STX7: variants seen among roughly 807,000 people sequenced by gnomAD.
The protein encoded by STX7 is syntaxin 7.
Under a neutral mutation model 39.6 loss-of-function variants are expected in STX7, and 34 were observed. The observed-to-expected ratio is 0.86, with a 90% CI of 0.65 to 1.14. STX7 has a LOEUF of 1.14. Among genes scored for constraint, STX7 ranks in the 50% most tolerant of loss-of-function variants. STX7 has a pLI of 0.00. For missense variants in STX7, 284 were observed against 310.4 expected, an observed-to-expected ratio of 0.92 and a Z score of 0.64; for synonymous variants, 119 against 99.1, an observed-to-expected ratio of 1.20 and a Z score of -1.19.
chr6:132,485,684 C>T (rs1420099128), intron 2 of STX7, among the ~76,000 whole-genome samples: 3 of 152,090 alleles, frequency 2.0e-5, no homozygotes, highest in Non-Finnish European at 2.9e-5. Flanking sequence ...TGGTATGCTC[C>T]GTCTTTTAAA....
intron 2 of STX7, among the ~76,000 whole-genome samples, chr6:132,482,127 G>GT (rs1433408366): frequency 1.3e-5 from 2 of 152,116 alleles, no homozygotes; most frequent in African/African-American, 4.8e-5. Context: ...CAAAACGTAC[G>GT]TAAGAAATAA....
intron 2 of STX7, among the ~76,000 whole-genome samples, chr6:132,484,610 T>C (rs563826121): frequency 4.2e-4 from 64 of 152,156 alleles, no homozygotes; most frequent in Non-Finnish European, 7.9e-4. Context: ...AGAAAACATC[T>C]GTTTTCAACG....
intron 2 of STX7, among the ~76,000 whole-genome samples, chr6:132,478,730 A>G (rs1213727793): frequency 6.6e-6 from 1 of 152,220 alleles, no homozygotes; most frequent in African/African-American, 2.4e-5. Flanking sequence ...TGGATTTACT[A>G]CAACAGAGCA....
chr6:132,462,180 A>G (rs912585480), intron 9 of STX7, among the ~76,000 whole-genome samples: 2 of 152,214 alleles, frequency 1.3e-5, no homozygotes, highest in Non-Finnish European at 2.9e-5. Flanking sequence ...AGCGTGGGGT[A>G]ATGAGACCCT....
chr6:132,487,537 A>G (rs1489783652), intron 2 of STX7, among the ~76,000 whole-genome samples: 1 of 152,134 alleles, frequency 6.6e-6, no homozygotes, highest in Admixed American at 6.5e-5. Flanking sequence ...GTGGGACTTA[A>G]AACCTAGATG....
chr6:132,482,334 G>C (rs889076054), intron 2 of STX7, among the ~76,000 whole-genome samples: 1 of 152,074 alleles, frequency 6.6e-6, no homozygotes, highest in Non-Finnish European at 1.5e-5. Context: ...TACACTTGAG[G>C]ATCAATTAAA....
intron 8 of STX7, among the ~76,000 whole-genome samples, chr6:132,466,850 C>G (rs970064463): frequency 1.3e-5 from 2 of 152,186 alleles, no homozygotes; most frequent in African/African-American, 2.4e-5. Flanking sequence ...GTAACTTCAC[C>G]ATCATAGTGG....
chr6:132,461,865 C>G, intron 9 of STX7: 1 of 1,537,968 alleles, frequency 6.5e-7, no homozygotes, highest in South Asian at 1.2e-5. Flanking sequence ...CTTTTTCTTA[C>G]AAAGTAGAAA....
Position 132,448,455 on chromosome 6 carries a change from A to G in STX7, c.*12303T>C, listed in dbSNP as rs1006503329. On this transcript the variant is annotated 3_prime_UTR_variant, in exon 10 of 10. Coordinates refer to ENST00000367941, the MANE Select transcript of STX7 (RefSeq NM_003569.3). ...ACCCTTGATTTTGAAAGATAATTTC[A>G]CTGGGCACTCATTCTATTGAGTTAT... The G allele has an allele frequency of 6.6e-6, 1 of 152,290 alleles. No homozygotes were observed. The highest frequency in any genetic ancestry group is 2.1e-4 in the South Asian group (1 of 4,828). The allele number at this position is 152,290 out of a possible 1,614,324, so 9.4% of individuals were successfully genotyped here.
intron 2 of STX7, among the ~76,000 whole-genome samples, chr6:132,482,136 A>G (rs934949967): frequency 6.6e-6 from 1 of 152,226 alleles, no homozygotes; most frequent in African/African-American, 2.4e-5. Context: ...CGTAAGAAAT[A>G]ATATATATTT....
rs1326885656 is a variant in STX7, at chr6:132,460,831, AGGGTTTTTCT to A, written c.703_712del (p.Arg235CysfsTer22). The stretch of plus-strand genomic sequence containing the variant: ...GACAAGGATAAGAATGATGATGCAC[AGGGTTTTTCT>A]GGATTTGCGCTGCAGACGCAAAAAA... On this transcript the variant is annotated frameshift_variant, in exon 10 of 10. Coordinates refer to ENST00000367941, the MANE Select transcript of STX7 (RefSeq NM_003569.3). LOFTEE classifies it high-confidence loss of function. 6.2e-7 allele frequency: 1 copy of A among 1,613,532 alleles called. No individual in the cohort carries two copies. Among genetic ancestry groups the A allele is most frequent in the Admixed American group, 1.7e-5 (1 of 59,982 alleles).
In STX7 at chr6:132,510,856, G is replaced by C. The variant is rs761218831; in HGVS notation, c.-59+2151C>G. On this transcript the variant is annotated intron_variant, in intron 1 of 9. Coordinates refer to ENST00000367941, the MANE Select transcript of STX7 (RefSeq NM_003569.3). ...AAGAACACAAAGGAATGAACAAAAG[G>C]AATGTTAAAATTTAATCTTGAAGTG... Among the ~76,000 whole-genome samples the C allele has an allele frequency of 7.7e-4, 117 of 152,326 alleles. 1 individual carries two copies. The highest frequency in any genetic ancestry group is 1.5e-3 in the Non-Finnish European group (103 of 68,030).
At position 132,468,487 on chromosome 6, in the gene STX7, C is replaced by A. The variant is rs371925401; in HGVS notation, c.538-12G>T. The A allele has an allele frequency of 7.0e-6, 11 of 1,577,616 alleles. No homozygotes were observed. In the African/African-American group the frequency reaches 1.4e-4, roughly 20 times the overall value. On this transcript the variant is annotated splice_polypyrimidine_tract_variant and intron_variant, in intron 7 of 9. Transcript: ENST00000367941. ...TCCATAATATCAGCCTAAGAGAAAACGCATATATTATTATAATCAGAAATT... is the reference window on the plus strand; with the variant it reads ...TCCATAATATCAGCCTAAGAGAAAAAGCATATATTATTATAATCAGAAATT...
chr6:132,481,331 G>A (rs1349560749), intron 2 of STX7, among the ~76,000 whole-genome samples: 1 of 151,800 alleles, frequency 6.6e-6, no homozygotes, highest in Non-Finnish European at 1.5e-5. Flanking sequence ...AATCTTTGGA[G>A]GGGGAAAAAA....
intron 2 of STX7, among the ~76,000 whole-genome samples, chr6:132,482,809 C>G (rs1775044759): frequency 6.6e-6 from 1 of 152,064 alleles, no homozygotes; most frequent in Admixed American, 6.6e-5. Context: ...TGCTCTTTCT[C>G]TGGGTTTTAT....
At chr6:132,480,935 T>C (rs1268530341) in intron 2 of STX7, among the ~76,000 whole-genome samples, 1 of 152,208 alleles carries the variant, frequency 6.6e-6, no homozygotes, top group African/African-American at 2.4e-5. Flanking sequence ...CACTGTTATA[T>C]ATAGAATGTA....
intron 5 of STX7, 65 bp downstream of exon 5, chr6:132,471,398 A>G: frequency 6.5e-7 from 1 of 1,528,886 alleles, no homozygotes; most frequent in South Asian, 1.3e-5. Flanking sequence ...ATGCTACTAT[A>G]GACTTTTATG....
intron 8 of STX7, among the ~76,000 whole-genome samples, chr6:132,464,545 GGAAA>G (rs1299175761): frequency 7.1e-6 from 1 of 141,532 alleles, no homozygotes; most frequent in East Asian, 2.8e-4. Context: ...GTCCTCAGAG[GGAAA>G]CAAACAAACA....
chr6:132,508,164 CAA>C (rs1332020658), intron 1 of STX7, among the ~76,000 whole-genome samples: 1 of 152,204 alleles, frequency 6.6e-6, no homozygotes, highest in African/African-American at 2.4e-5. Flanking sequence ...AGCACAAGAC[CAA>C]GAGAAACTCA....
Sources: allele counts gnomAD v4.1 joint callset (sites outside exome capture counted in the v4.1 genomes callset), GRCh38; gene constraint gnomAD v4.1.1; transcripts MANE v1.5; gene names NCBI Gene and HGNC (gene_info 2026-07-23, HGNC 2026-07-21).